Variants in MALRD1 observed in about 807,000 individuals in gnomAD.
MALRD1 encodes MAM and LDL-receptor class A domain-containing protein 1.
In MALRD1, 247 loss-of-function variants were observed where a neutral mutation model predicts 242.1. The observed-to-expected ratio is 1.02, with a 90% CI of 0.92 to 1.13. The LOEUF is 1.13. Ranked by LOEUF, MALRD1 falls within the 50% of genes most tolerant of loss-of-function variation. MALRD1 has a pLI of 0.00. For synonymous variants in MALRD1, 995 were observed against 866.6 expected (o/e 1.15, Z -2.60); for missense variants, 2,989 against 2,533.1 (o/e 1.18, Z -3.86).
intron 19 of MALRD1, among the ~76,000 whole-genome samples, chr10:19,273,086 A>G (rs965722266): frequency 1.3e-5 from 2 of 152,158 alleles, no homozygotes; most frequent in African/African-American, 4.8e-5. Flanking sequence ...TTCTGGTTCT[A>G]AATCCTTGAG....
intron 17 of MALRD1, among the ~76,000 whole-genome samples, chr10:19,208,378 AAGAATAGT>A (rs1257210644): frequency 6.6e-6 from 1 of 152,142 alleles, no homozygotes; most frequent in African/African-American, 2.4e-5. Context: ...GGCTATGGGG[AAGAATAGT>A]AGGGATGAGG....
rs1324748928 is a variant in MALRD1 at position 19,498,664 on chromosome 10, C to T, written c.5320+18C>T. Reference sequence around the variant, plus strand: ...CACGCCAGGTAAATCTAGTAGCCATCCCCAGACCAAGAAACCCACTCATCT... The same window carrying T: ...CACGCCAGGTAAATCTAGTAGCCATTCCCAGACCAAGAAACCCACTCATCT... On this transcript the variant is annotated intron_variant, in intron 31 of 39. Coordinates refer to ENST00000454679, the MANE Select transcript of MALRD1 (RefSeq NM_001142308.3). The T allele has an allele frequency of 6.5e-7, 1 of 1,537,474 alleles. No homozygotes were observed. The highest frequency in any genetic ancestry group is 2.5e-5 in the East Asian group (1 of 40,668).
intron 19 of MALRD1, among the ~76,000 whole-genome samples, chr10:19,260,157 C>T (rs1051032223): frequency 2.6e-5 from 4 of 152,134 alleles, no homozygotes; most frequent in Non-Finnish European, 4.4e-5. Context: ...GTGCCAGATA[C>T]TATAGTATAT....
chr10:19,081,249 C>T (rs555065992), intron 2 of MALRD1, among the ~76,000 whole-genome samples: 217 of 152,040 alleles, frequency 1.4e-3, no homozygotes, highest in African/African-American at 4.2e-3. Flanking sequence ...TTTGATTCAG[C>T]AATCCCATTA....
At chr10:19,664,634 C>G (rs970764408) in intron 36 of MALRD1, among the ~76,000 whole-genome samples, 13 of 151,856 alleles carry the variant, frequency 8.6e-5, no homozygotes, top group African/African-American at 3.1e-4. Flanking sequence ...AAAGATGTAA[C>G]TCCTGTATTA....
chr10:19,253,180 AAGAG>A (rs1235225814), intron 18 of MALRD1, among the ~76,000 whole-genome samples: 3 of 151,960 alleles, frequency 2.0e-5, no homozygotes, highest in Non-Finnish European at 4.4e-5. Flanking sequence ...TAAGAAGTAT[AAGAG>A]AGAGCGTAAG....
At chr10:19,598,972 A>G (rs997811776) in intron 34 of MALRD1, among the ~76,000 whole-genome samples, 2 of 152,108 alleles carry the variant, frequency 1.3e-5, no homozygotes, top group African/African-American at 4.8e-5. Context: ...GGGCCTAAAA[A>G]ATATAAATTG....
intron 12 of MALRD1, among the ~76,000 whole-genome samples, chr10:19,155,986 G>C (rs952286182): frequency 2.6e-5 from 4 of 152,102 alleles, no homozygotes; most frequent in African/African-American, 9.7e-5. Context: ...TATTCAGCTT[G>C]TCTTATTTTC....
At chr10:19,259,590 G>T (rs1839659209) in intron 19 of MALRD1, among the ~76,000 whole-genome samples, 2 of 152,066 alleles carry the variant, frequency 1.3e-5, no homozygotes. Context: ...CCGCCCCCGT[G>T]ATTCAATTAC....
intron 18 of MALRD1, among the ~76,000 whole-genome samples, chr10:19,253,202 C>A (rs1839369720): frequency 6.6e-6 from 1 of 151,700 alleles, no homozygotes; most frequent in South Asian, 2.1e-4. Flanking sequence ...AAGTATTTGT[C>A]CTCTAGGAAA....
chr10:19,679,252 C>A (rs1842265716), intron 36 of MALRD1, among the ~76,000 whole-genome samples: 1 of 152,078 alleles, frequency 6.6e-6, no homozygotes, highest in Admixed American at 6.6e-5. Flanking sequence ...TCTCTTTGTA[C>A]CTCTGGTAGA....
At chr10:19,331,254 C>CA (rs1209120018) in intron 23 of MALRD1, 115 bp from the exon 24 acceptor site, 14 of 937,332 alleles carry the variant, frequency 1.5e-5, no homozygotes, top group Admixed American at 5.3e-5. Flanking sequence ...AAAACAAAAA[C>CA]AAAAAAACAA....
chr10:19,148,969 T>C (rs908184444), intron 11 of MALRD1, among the ~76,000 whole-genome samples: 3 of 151,360 alleles, frequency 2.0e-5, no homozygotes, highest in Non-Finnish European at 4.4e-5. Flanking sequence ...TCTGGTAGAG[T>C]CAGAGGCAGC....
chr10:19,431,021 T>G (rs1834106948), intron 28 of MALRD1, among the ~76,000 whole-genome samples: 1 of 152,186 alleles, frequency 6.6e-6, no homozygotes, highest in Admixed American at 6.6e-5. Context: ...TTATTTCAAG[T>G]TCTGGTGTAC....
At chr10:19,145,789 C>A (rs1224026622) in intron 10 of MALRD1, among the ~76,000 whole-genome samples, 1 of 151,654 alleles carries the variant, frequency 6.6e-6, no homozygotes. Context: ...TACTGAGATG[C>A]TGATCTCAAG....
rs572116375 is a variant in MALRD1 at position 19,364,623 on chromosome 10, C to T, written c.4441+12326C>T. 3.3e-5 allele frequency among the ~76,000 whole-genome samples: 5 copies of T among 152,186 alleles called. No homozygotes were observed. In the East Asian group the frequency reaches 9.6e-4, roughly 29 times the overall value. On this transcript the variant is annotated intron_variant, in intron 26 of 39. Coordinates refer to ENST00000454679, the MANE Select transcript of MALRD1 (RefSeq NM_001142308.3). ...TAGTTAAATGAAAACCAAAAATGGT[C>T]ATATGATAATCTATTTTGAATAGTT...
intron 28 of MALRD1, among the ~76,000 whole-genome samples, chr10:19,390,124 C>T (rs1024547182): frequency 2.0e-5 from 3 of 152,202 alleles, no homozygotes; most frequent in African/African-American, 7.2e-5. Context: ...GTGATTATGA[C>T]TGAATCCCAG....
chr10:19,279,933 T>C, intron 19 of MALRD1, 114 bp from the exon 20 acceptor site: 1 of 796,132 alleles, frequency 1.3e-6, no homozygotes, highest in Non-Finnish European at 1.8e-6. Flanking sequence ...TACTACCCAC[T>C]GTTCTCTATG....
At chr10:19,259,606 A>C (rs1271365502) in intron 19 of MALRD1, among the ~76,000 whole-genome samples, 3 of 152,090 alleles carry the variant, frequency 2.0e-5, no homozygotes, top group Non-Finnish European at 4.4e-5. Context: ...ATTACCTCTC[A>C]ATGGGTCCCT....
Sources: gnomAD v4.1 joint callset for allele counts (sites outside exome capture counted in the v4.1 genomes callset) on GRCh38, gnomAD v4.1.1 for gene constraint, MANE v1.5 for transcripts, NCBI Gene and HGNC (gene_info 2026-07-23, HGNC 2026-07-21) for gene names.